PTPN14: variants seen among roughly 807,000 people sequenced by gnomAD.
PTPN14 encodes tyrosine-protein phosphatase non-receptor type 14.
Under a neutral mutation model 126.8 loss-of-function variants are expected in PTPN14, and 53 were observed. The ratio of observed to expected loss-of-function variants is 0.42; its 90% CI spans 0.34 to 0.53. The LOEUF is 0.53. PTPN14 is among the 20% of genes least tolerant of loss of function. The probability of loss-of-function intolerance (pLI) is 0.08; values close to 1 mark genes in which losing one functional copy is unlikely to be tolerated. For missense variants in PTPN14, 1,257 were observed against 1,552.9 expected (o/e 0.81, Z 3.20); for synonymous variants, 630 against 599.3 (o/e 1.05, Z -0.75).
intron 3 of PTPN14, among the ~76,000 whole-genome samples, chr1:214,440,747 C>G (rs1188175769): frequency 6.6e-6 from 1 of 152,182 alleles, no homozygotes; most frequent in Non-Finnish European, 1.5e-5. Context: ...GTGCAAGTAT[C>G]GGCAGTCAGG....
intron 3 of PTPN14, among the ~76,000 whole-genome samples, chr1:214,441,116 C>T (rs573317424): frequency 6.6e-6 from 1 of 152,302 alleles, no homozygotes; most frequent in South Asian, 2.1e-4. Context: ...TATGTGATGA[C>T]CTAAATCTAC....
At chr1:214,469,821 G>T (rs1660713850) in intron 1 of PTPN14, among the ~76,000 whole-genome samples, 1 of 47,594 alleles carries the variant, frequency 2.1e-5, no homozygotes, top group African/African-American at 1.1e-4. Flanking sequence ...GGCGCATGGG[G>T]AAAGGCGGGG....
chr1:214,490,858 G>A (rs1230897814), intron 1 of PTPN14, among the ~76,000 whole-genome samples: 1 of 14,718 alleles, frequency 6.8e-5, no homozygotes, highest in African/African-American at 4.1e-4. Flanking sequence ...AGGAAGGGAA[G>A]GGAGGGGAGG....
rs779395805 is a variant in PTPN14, at chr1:214,364,559, C to T, written c.3388G>A (p.Val1130Met). The T allele has an allele frequency of 3.7e-6, 6 of 1,614,018 alleles. No individual in the cohort carries two copies. The highest frequency in any genetic ancestry group is 1.7e-5 in the Admixed American group (1 of 60,010). Residue 1130 changes from valine to methionine, a missense_variant, in exon 18 of 19, where the codon GTG (valine) becomes ATG (methionine). Transcript: ENST00000366956. This position sits in a 1 kb window ranked among gnomAD's most constrained non-coding sequence, Gnocchi z 4.1. ...ATCATCAGCTCAGAAAGAATGAGCA[C>T]GCCGGTCCTTCCCACCCCAGCACTA... Reference protein sequence around the residue: ...HCSAGVGRTGVLILSELMIYC... With the variant: ...HCSAGVGRTGMLILSELMIYC...
chr1:214,514,091 G>T (rs1396832338), intron 1 of PTPN14, among the ~76,000 whole-genome samples: 1 of 151,692 alleles, frequency 6.6e-6, no homozygotes, highest in Non-Finnish European at 1.5e-5. Flanking sequence ...TTAAATCCAG[G>T]ATAATTTTGA....
At chr1:214,470,859 AT>A (rs1231272341) in intron 1 of PTPN14, among the ~76,000 whole-genome samples, 1 of 148,638 alleles carries the variant, frequency 6.7e-6, no homozygotes, top group Non-Finnish European at 1.5e-5. Flanking sequence ...ACTAAAAAAA[AT>A]ATATATATAT....
Position 214,354,998 on chromosome 1 carries a change from G to C in PTPN14, c.*2924C>G, listed in dbSNP as rs1657783770. On this transcript the variant is annotated 3_prime_UTR_variant, in exon 19 of 19. Coordinates refer to ENST00000366956, the MANE Select transcript of PTPN14 (RefSeq NM_005401.5). The stretch of plus-strand genomic sequence containing the variant: ...GCCACCGAAAGGACTTTAAATGGCT[G>C]CTGCTAATTTAACAGGAGATATGTT... 6.6e-6 allele frequency: 1 copy of C among 152,226 alleles called. No individual in the cohort carries two copies. Among genetic ancestry groups the C allele is most frequent in the Non-Finnish European group, 1.5e-5 (1 of 68,032 alleles). The allele number at this position is 152,226 out of a possible 1,614,324, so 9.4% of individuals were successfully genotyped here. A position where few individuals can be genotyped will look rare whatever the true frequency, so the allele number is the denominator to read the frequency against.
intron 1 of PTPN14, among the ~76,000 whole-genome samples, chr1:214,472,788 T>C (rs74142707): frequency 0.015 from 2,291 of 152,290 alleles, 60 homozygotes; most frequent in African/African-American, 0.052. Flanking sequence ...ACCACCCAAG[T>C]TTTCCTTTTC....
chr1:214,520,047 C>CAAAAA (rs1183768381), intron 1 of PTPN14, among the ~76,000 whole-genome samples: 56 of 80,742 alleles, frequency 6.9e-4, no homozygotes, highest in African/African-American at 2.5e-3. Context: ...AACCCTGTCT[C>CAAAAA]AAAAAAAAAA....
chr1:214,526,882 G>A (rs12127207), intron 1 of PTPN14, among the ~76,000 whole-genome samples: 6,607 of 152,202 alleles, frequency 0.043, 291 homozygotes, highest in African/African-American at 0.12. Flanking sequence ...ACCTGAGGTT[G>A]GTAGTTTGAG....
rs751673286 is a variant in PTPN14 at position 214,464,823 on chromosome 1, G to A, written c.-20C>T. The A allele has an allele frequency of 7.5e-6, 12 of 1,610,146 alleles. No homozygotes were observed. Among genetic ancestry groups the A allele is most frequent in the African/African-American group, 2.7e-5 (2 of 74,900 alleles). Reference sequence around the variant, plus strand: ...AGGCATGGCTATGTGGTCCTCGGACGCCGCCCGCCTATCCTGGCGCACACG... The same window carrying A: ...AGGCATGGCTATGTGGTCCTCGGACACCGCCCGCCTATCCTGGCGCACACG... On this transcript the variant is annotated 5_prime_UTR_variant, in exon 2 of 19. Coordinates refer to ENST00000366956, the MANE Select transcript of PTPN14 (RefSeq NM_005401.5).
intron 1 of PTPN14, among the ~76,000 whole-genome samples, chr1:214,501,845 T>G (rs1654707594): frequency 6.6e-6 from 1 of 151,954 alleles, no homozygotes; most frequent in Non-Finnish European, 1.5e-5. Flanking sequence ...GGATCACAAG[T>G]TCAGGAGATC....
intron 1 of PTPN14, among the ~76,000 whole-genome samples, chr1:214,476,359 A>G (rs534988102): frequency 6.6e-5 from 10 of 152,352 alleles, no homozygotes; most frequent in African/African-American, 2.4e-4. Context: ...ACATACCTTG[A>G]GCTTGCTTCG....
At chr1:214,426,930 T>C (rs1321030110) in intron 3 of PTPN14, among the ~76,000 whole-genome samples, 2 of 151,956 alleles carry the variant, frequency 1.3e-5, no homozygotes, top group African/African-American at 4.8e-5. Context: ...GTATTCAAAT[T>C]CTCTCTTTAA....
chr1:214,439,498 A>ATT (rs1164990429), intron 3 of PTPN14, among the ~76,000 whole-genome samples: 48 of 152,136 alleles, frequency 3.2e-4, no homozygotes, highest in African/African-American at 1.0e-3. Context: ...AGTTGCTGGG[A>ATT]TTTGCTCTGA....
intron 2 of PTPN14, among the ~76,000 whole-genome samples, chr1:214,462,165 C>T (rs987306537): frequency 2.0e-5 from 3 of 152,026 alleles, no homozygotes; most frequent in East Asian, 1.9e-4. Flanking sequence ...CCCATTAGGA[C>T]GTGTCAAAAT....
chr1:214,405,352 A>G (rs74506809), intron 5 of PTPN14, among the ~76,000 whole-genome samples: 2,661 of 151,698 alleles, frequency 0.018, 78 homozygotes, highest in African/African-American at 0.062. Flanking sequence ...CTTGTCTCCC[A>G]CCCTCTATCA....
At chr1:214,442,764 A>G (rs1354863088) in intron 3 of PTPN14, among the ~76,000 whole-genome samples, 1 of 151,896 alleles carries the variant, frequency 6.6e-6, no homozygotes, top group East Asian at 1.9e-4. Context: ...TCTATACTTC[A>G]TTGTTCTAGT....
chr1:214,350,782 CG>C lies in PTPN14; in HGVS notation c.*7139del, dbSNP rs1657691276. 7.2e-6 allele frequency: 1 copy of C among 138,572 alleles called. No homozygotes were observed. Among genetic ancestry groups the C allele is most frequent in the East Asian group, 2.1e-4 (1 of 4,654 alleles). The allele number at this position is 138,572 out of a possible 1,614,324, so 8.6% of individuals were successfully genotyped here. On this transcript the variant is annotated 3_prime_UTR_variant, in exon 19 of 19. Coordinates refer to ENST00000366956, the MANE Select transcript of PTPN14 (RefSeq NM_005401.5). ...CCATGTTGGCCAGGCTGGTCTTGAACGCCTGACCTCAGGTGATCTGCCTGCC... is the reference window on the plus strand; with the variant it reads ...CCATGTTGGCCAGGCTGGTCTTGAACCCTGACCTCAGGTGATCTGCCTGCC...
Sources: allele counts gnomAD v4.1 joint callset (sites outside exome capture counted in the v4.1 genomes callset), GRCh38; gene constraint gnomAD v4.1.1; non-coding constraint Gnocchi (gnomAD v3.1); transcripts MANE v1.5; gene names NCBI Gene and HGNC (gene_info 2026-07-23, HGNC 2026-07-21).